The following ADK variants were observed in gnomAD, a reference collection of about 807,000 sequenced individuals.
ADK encodes N6,N6-dimethyladenosine kinase.
Under a neutral mutation model 44.7 loss-of-function variants are expected in ADK, and 24 were observed. The ratio of observed to expected loss-of-function variants is 0.54; its 90% CI spans 0.39 to 0.76. The LOEUF is 0.76. Ranked by LOEUF, ADK falls within the 30% of genes least tolerant of loss-of-function variation. The pLI is 0.00. For missense variants in ADK, 321 were observed against 425.1 expected, an observed-to-expected ratio of 0.76 and a Z score of 2.15; for synonymous variants, 128 against 142.6, an observed-to-expected ratio of 0.90 and a Z score of 0.73.
At chr10:74,484,744 G>A (rs1002691554) in intron 6 of ADK, among the ~76,000 whole-genome samples, 2 of 152,212 alleles carry the variant, frequency 1.3e-5, no homozygotes, top group African/African-American at 4.8e-5. Flanking sequence ...TGGTAGACCA[G>A]TGTAATGGGA....
intron 9 of ADK, chr10:74,655,645 C>T (rs1229574014): frequency 2.3e-6 from 1 of 443,894 alleles, no homozygotes; most frequent in African/African-American, 2.0e-5. Flanking sequence ...AGGCTCCTTC[C>T]AGAGCAGCCA....
chr10:74,388,311 T>A (rs1228598124), intron 4 of ADK, among the ~76,000 whole-genome samples: 1 of 152,248 alleles, frequency 6.6e-6, no homozygotes, highest in African/African-American at 2.4e-5. Context: ...TTAGTTTTTC[T>A]CACACCCACA....
chr10:74,553,201 T>G (rs1031879812), intron 7 of ADK, among the ~76,000 whole-genome samples: 9 of 122,058 alleles, frequency 7.4e-5, no homozygotes, highest in Non-Finnish European at 1.0e-4. Context: ...TTTTTTTTTT[T>G]TTTTTTTTTT....
chr10:74,427,727 ATGTGTGTGTGTGTGTG>A (rs35949478), intron 6 of ADK, among the ~76,000 whole-genome samples: 9 of 148,398 alleles, frequency 6.1e-5, no homozygotes, highest in Admixed American at 6.0e-4. Flanking sequence ...ATGTATATGT[ATGTGTGTGTGTGTGTG>A]TGTGTGTGTG....
At chr10:74,461,655 C>G (rs1846175859) in intron 6 of ADK, among the ~76,000 whole-genome samples, 1 of 152,072 alleles carries the variant, frequency 6.6e-6, no homozygotes. Flanking sequence ...AACTCTCCTA[C>G]TGTTTCACCT....
intron 3 of ADK, among the ~76,000 whole-genome samples, chr10:74,258,894 A>G (rs1470156413): frequency 6.6e-6 from 1 of 151,184 alleles, no homozygotes; most frequent in African/African-American, 2.4e-5. Context: ...CGTATACATA[A>G]TATAAGAATT....
chr10:74,426,208 A>G (rs1390349871), intron 6 of ADK, among the ~76,000 whole-genome samples: 1 of 152,178 alleles, frequency 6.6e-6, no homozygotes, highest in East Asian at 1.9e-4. Flanking sequence ...CCTTTAAAAC[A>G]GCCCCCATTA....
chr10:74,401,131 A>C (rs1292989363), intron 6 of ADK, among the ~76,000 whole-genome samples: 1 of 152,194 alleles, frequency 6.6e-6, no homozygotes, highest in African/African-American at 2.4e-5. Flanking sequence ...TTAGCAGGTA[A>C]TTAGGGACTA....
At chr10:74,273,578 C>G (rs567516687) in intron 3 of ADK, among the ~76,000 whole-genome samples, 36 of 152,216 alleles carry the variant, frequency 2.4e-4, no homozygotes, top group African/African-American at 8.2e-4. Flanking sequence ...CTGCCTTGGT[C>G]CCCTGAGTAG....
At chr10:74,320,916 T>A (rs1030294698) in intron 4 of ADK, among the ~76,000 whole-genome samples, 6 of 152,230 alleles carry the variant, frequency 3.9e-5, no homozygotes, top group Middle Eastern at 3.2e-3. Context: ...TAAATACAGT[T>A]ATCAGTAAAT....
intron 4 of ADK, among the ~76,000 whole-genome samples, chr10:74,370,743 TTAAAAAAATA>T (rs1842632269): frequency 1.3e-5 from 2 of 152,046 alleles, no homozygotes; most frequent in Non-Finnish European, 1.5e-5. Context: ...TTTTCTTCTT[TTAAAAAAATA>T]CAATTTAGAG....
chr10:74,457,200 C>T (rs1395173027), intron 6 of ADK, among the ~76,000 whole-genome samples: 4 of 152,186 alleles, frequency 2.6e-5, no homozygotes, highest in Non-Finnish European at 5.9e-5. Context: ...ATACTATAGA[C>T]ACCTCTACGC....
intron 4 of ADK, among the ~76,000 whole-genome samples, chr10:74,332,780 G>A (rs1200499712): frequency 2.6e-5 from 4 of 152,170 alleles, no homozygotes; most frequent in South Asian, 4.1e-4. Flanking sequence ...GTAAGATGGT[G>A]TCAGCTAAGT....
intron 5 of ADK, among the ~76,000 whole-genome samples, chr10:74,397,270 A>G (rs1331361546): frequency 6.6e-6 from 1 of 151,462 alleles, no homozygotes; most frequent in Non-Finnish European, 1.5e-5. Context: ...TGGCAGATGG[A>G]TGAGTGGAAA....
chr10:74,264,839 A>G (rs1450304062), intron 3 of ADK, among the ~76,000 whole-genome samples: 1 of 152,014 alleles, frequency 6.6e-6, no homozygotes, highest in Non-Finnish European at 1.5e-5. Flanking sequence ...TCTTTGTATA[A>G]TTTTCTGAAA....
At chr10:74,238,880 T>TTTTTTA (rs1163588596) in intron 3 of ADK, among the ~76,000 whole-genome samples, 4 of 145,884 alleles carry the variant, frequency 2.7e-5, no homozygotes, top group African/African-American at 1.1e-4. Context: ...TTTTTTTTTT[T>TTTTTTA]AAGACGGAGT....
chr10:74,592,346 T>A (rs1851753992), intron 8 of ADK, among the ~76,000 whole-genome samples: 1 of 152,160 alleles, frequency 6.6e-6, no homozygotes, highest in Admixed American at 6.6e-5. Flanking sequence ...AATGTTCGTA[T>A]TTTTAGAACA....
At chr10:74,650,081 C>A (rs1854205027) in intron 9 of ADK, among the ~76,000 whole-genome samples, 1 of 152,156 alleles carries the variant, frequency 6.6e-6, no homozygotes, top group Non-Finnish European at 1.5e-5. Context: ...AGAACATGGG[C>A]TTTCCTCCTT....
intron 2 of ADK, among the ~76,000 whole-genome samples, chr10:74,222,345 A>C (rs1185588586): frequency 6.6e-6 from 1 of 152,030 alleles, no homozygotes; most frequent in Non-Finnish European, 1.5e-5. Flanking sequence ...GGCAATCATT[A>C]AAAAGTCAGG....
Sources: gnomAD v4.1 joint callset for allele counts (sites outside exome capture counted in the v4.1 genomes callset) on GRCh38, gnomAD v4.1.1 for gene constraint, MANE v1.5 for transcripts, NCBI Gene and HGNC (gene_info 2026-07-23, HGNC 2026-07-21) for gene names.